Variants in CDH4 observed in about 807,000 individuals in gnomAD.
CDH4 encodes the protein cadherin-4.
CDH4 carries 33 observed loss-of-function variants against 86.0 expected under a neutral mutation model. That is an observed-to-expected ratio of 0.38 (90% CI 0.29 to 0.51). The LOEUF (loss-of-function observed/expected upper bound fraction) is 0.51. Ranked by LOEUF, CDH4 falls within the 20% of genes least tolerant of loss-of-function variation. The probability of loss-of-function intolerance (pLI) is 0.86; values close to 1 mark genes in which losing one functional copy is unlikely to be tolerated. For missense variants in CDH4, 1,114 were observed against 1,307.4 expected (o/e 0.85, Z 2.28); for synonymous variants, 555 against 549.4 (o/e 1.01, Z -0.14).
At chr20:61,497,178 AC>A (rs1453144914) in intron 2 of CDH4, among the ~76,000 whole-genome samples, 2 of 150,832 alleles carry the variant, frequency 1.3e-5, no homozygotes, top group Non-Finnish European at 3.0e-5. Flanking sequence ...CTTTCTGACA[AC>A]CCTTGCCTTG....
At chr20:61,391,524 G>A (rs1451395776) in intron 2 of CDH4, among the ~76,000 whole-genome samples, 4 of 145,424 alleles carry the variant, frequency 2.8e-5, no homozygotes, top group Non-Finnish European at 1.5e-5. Context: ...GGCGTAAGGG[G>A]CTCAGCAATT....
intron 2 of CDH4, among the ~76,000 whole-genome samples, chr20:61,326,762 T>C (rs578237401): frequency 1.3e-5 from 2 of 149,538 alleles, no homozygotes; most frequent in African/African-American, 5.0e-5. Context: ...AAAAATGAGG[T>C]TTTTTTTTCA....
Position 61,252,706 on chromosome 20 carries a change from C to T in CDH4, c.57+136C>T, listed in dbSNP as rs1333766968. 2 of 399,132 alleles carry T rather than the reference C, an allele frequency of 5.0e-6. No individual in the cohort carries two copies. The highest frequency in any genetic ancestry group is 2.2e-5 in the African/African-American group (1 of 46,458). The allele number at this position is 399,132 out of a possible 1,614,324, so 24.7% of individuals were successfully genotyped here. A position where few individuals can be genotyped will look rare whatever the true frequency, so the allele number is the denominator to read the frequency against. On this transcript the variant is annotated intron_variant, in intron 1 of 15. Coordinates refer to ENST00000614565, the MANE Select transcript of CDH4 (RefSeq NM_001794.5). The surrounding 1 kb of genome is among the most constrained non-coding windows in gnomAD (Gnocchi z 4.4). ...GCCGCGCTCCCCGCTGCATCCAGCC[C>T]GGCGCCCGCGCTCGGCGAAGCTGCC...
At chr20:61,596,960 C>T (rs1257812039) in intron 2 of CDH4, among the ~76,000 whole-genome samples, 2 of 152,162 alleles carry the variant, frequency 1.3e-5, no homozygotes. Flanking sequence ...ATGTAGTTAT[C>T]AAAACATTAA....
At chr20:61,728,243 C>A (rs767583325) in intron 2 of CDH4, among the ~76,000 whole-genome samples, 1 of 152,154 alleles carries the variant, frequency 6.6e-6, no homozygotes. Context: ...AGCATAACCA[C>A]CTGTTTATGA....
Position 61,462,870 on chromosome 20 carries a change from G to A in CDH4, c.169+207933G>A, listed in dbSNP as rs570172052. ...GCAGCATGGGGTGGGCACCTCACCCGTCAGTCTTCAAAGGGGATGAAGCAG... is the reference window on the plus strand; with the variant it reads ...GCAGCATGGGGTGGGCACCTCACCCATCAGTCTTCAAAGGGGATGAAGCAG... On this transcript the variant is annotated intron_variant, in intron 2 of 15. Transcript: ENST00000614565. Among the ~76,000 whole-genome samples, 281 of 152,328 alleles carry A rather than the reference G, an allele frequency of 1.8e-3. 1 individual carries two copies. The highest frequency in any genetic ancestry group is 6.5e-3 in the African/African-American group (270 of 41,584).
At chr20:61,305,031 ATG>A (rs1274394906) in intron 2 of CDH4, among the ~76,000 whole-genome samples, 1 of 143,946 alleles carries the variant, frequency 6.9e-6, no homozygotes, top group East Asian at 2.1e-4. Context: ...TGTGTGTTGT[ATG>A]TGTGTGTGTT....
At position 61,629,153 on chromosome 20, in the gene CDH4, G is replaced by A. The variant is rs542674504; in HGVS notation, c.170-114410G>A. On this transcript the variant is annotated intron_variant, in intron 2 of 15. Transcript: ENST00000614565. ...ATAGCTGCGCCGTGGAGAGCAGAGA[G>A]GGGCTGGGAGGAGGCACGTGCTTGT... Among the ~76,000 whole-genome samples the A allele has an allele frequency of 1.1e-4, 16 of 152,354 alleles. No individual in the cohort carries two copies. The East Asian group carries it at 2.9e-3, about 28-fold the overall frequency.
At chr20:61,679,855 A>G (rs116389275) in intron 2 of CDH4, among the ~76,000 whole-genome samples, 4,121 of 152,308 alleles carry the variant, frequency 0.027, 162 homozygotes, top group African/African-American at 0.087. Context: ...TTTAGCTCTC[A>G]GGGCCCCCAT....
chr20:61,388,522 G>C (rs2084964253), intron 2 of CDH4, among the ~76,000 whole-genome samples: 1 of 152,216 alleles, frequency 6.6e-6, no homozygotes, highest in South Asian at 2.1e-4. Flanking sequence ...GCATCTTCCT[G>C]ATAGCACATT....
chr20:61,296,276 CGTGGGTGCGTGTGT>C (rs2084353042), intron 2 of CDH4, among the ~76,000 whole-genome samples: 3 of 53,708 alleles, frequency 5.6e-5, no homozygotes, highest in Non-Finnish European at 1.0e-4. Flanking sequence ...TGTGTGTGTG[CGTGGGTGCGTGTGT>C]GTGTGTGCGT....
chr20:61,310,916 C>T (rs2084441986), intron 2 of CDH4, among the ~76,000 whole-genome samples: 1 of 152,176 alleles, frequency 6.6e-6, no homozygotes, highest in Admixed American at 6.5e-5. Flanking sequence ...ACTTCCAAGG[C>T]CCTGGCTCCA....
intron 4 of CDH4, among the ~76,000 whole-genome samples, chr20:61,838,791 T>G (rs1981993478): frequency 7.5e-6 from 1 of 133,084 alleles, no homozygotes; most frequent in Non-Finnish European, 1.5e-5. Flanking sequence ...ACCACTGCAC[T>G]CCAGCCTGGG....
intron 2 of CDH4, among the ~76,000 whole-genome samples, chr20:61,290,309 TC>T: frequency 1.4e-3 from 2 of 1,402 alleles, no homozygotes. Flanking sequence ...GCTGGGTTTA[TC>T]CCCGTATCCA....
Position 61,776,855 on chromosome 20 carries a change from C to T in CDH4, c.576+3673C>T, listed in dbSNP as rs374283500. 3.2e-4 allele frequency among the ~76,000 whole-genome samples: 49 copies of T among 152,288 alleles called. 2 individuals are homozygous for T. The highest frequency in any genetic ancestry group is 1.1e-3 in the African/African-American group (44 of 41,548). Reference sequence around the variant, plus strand: ...CCAAAGCCCAGTCACATGACCACGTCTAATTGTAAGGGACATGGGGAACGA... The same window carrying T: ...CCAAAGCCCAGTCACATGACCACGTTTAATTGTAAGGGACATGGGGAACGA... On this transcript the variant is annotated intron_variant, in intron 4 of 15. Coordinates refer to ENST00000614565, the MANE Select transcript of CDH4 (RefSeq NM_001794.5).
intron 9 of CDH4, among the ~76,000 whole-genome samples, chr20:61,915,656 G>A (rs1038456092): frequency 2.0e-5 from 3 of 152,248 alleles, no homozygotes; most frequent in African/African-American, 7.2e-5. Flanking sequence ...AAGGTGGCCT[G>A]TTGCATGCCC....
chr20:61,379,531 A>C (rs1163771054), intron 2 of CDH4, among the ~76,000 whole-genome samples: 1 of 152,174 alleles, frequency 6.6e-6, no homozygotes, highest in Non-Finnish European at 1.5e-5. Flanking sequence ...TCATCTTCCC[A>C]AGCCAGCGGC....
At chr20:61,385,496 C>T (rs902765523) in intron 2 of CDH4, among the ~76,000 whole-genome samples, 7 of 152,038 alleles carry the variant, frequency 4.6e-5, no homozygotes, top group African/African-American at 9.7e-5. Flanking sequence ...AATTCTTGAA[C>T]GCTTCCTGTC....
chr20:61,425,675 G>A (rs954080575), intron 2 of CDH4, among the ~76,000 whole-genome samples: 3 of 152,112 alleles, frequency 2.0e-5, no homozygotes, highest in Admixed American at 1.3e-4. Context: ...GGACATTCTC[G>A]AGGGCCCTGC....
Sources: gnomAD v4.1 joint callset for allele counts (sites outside exome capture counted in the v4.1 genomes callset) on GRCh38, gnomAD v4.1.1 for gene constraint, Gnocchi (gnomAD v3.1) non-coding constraint, MANE v1.5 for transcripts, NCBI Gene and HGNC (gene_info 2026-07-23, HGNC 2026-07-21) for gene names.